The following MMP26 variants were observed in gnomAD, a reference collection of about 807,000 sequenced individuals.
MMP26 encodes matrix metallopeptidase 26, also known as matrix metalloproteinase-26.
A neutral mutation model predicts 31.0 loss-of-function variants in MMP26; 33 were observed. That is an observed-to-expected ratio of 1.06 (90% CI 0.81 to 1.42). The LOEUF is 1.42. Ranked by LOEUF, MMP26 falls within the 40% of genes most tolerant of loss-of-function variation. The probability of loss-of-function intolerance (pLI) is 0.00; values close to 1 mark genes in which losing one functional copy is unlikely to be tolerated. For synonymous variants in MMP26, 122 were observed against 114.9 expected, an observed-to-expected ratio of 1.06 and a Z score of -0.40; for missense variants, 347 against 316.1, an observed-to-expected ratio of 1.10 and a Z score of -0.74.
intron 2 of MMP26, among the ~76,000 whole-genome samples, chr11:4,941,406 A>G (rs1846203989): frequency 6.6e-6 from 1 of 152,192 alleles, no homozygotes; most frequent in South Asian, 2.1e-4. Flanking sequence ...TTCACCAGAA[A>G]TCTTTGTAAG....
intron 2 of MMP26, among the ~76,000 whole-genome samples, chr11:4,964,441 T>A (rs1225797182): frequency 6.6e-6 from 1 of 152,204 alleles, no homozygotes; most frequent in Non-Finnish European, 1.5e-5. Context: ...GTCTTATTTC[T>A]GGACTGTCTA....
Position 4,992,317 on chromosome 11 carries a change from A to G in MMP26, c.*75A>G, listed in dbSNP as rs1589826909. The stretch of plus-strand genomic sequence containing the variant: ...AGGATCAAAGAACTGAAAGCACTAG[A>G]GCAGCCTTGGGGACTGCTAGGATGA... On this transcript the variant is annotated 3_prime_UTR_variant, in exon 8 of 8. Coordinates refer to ENST00000380390, the MANE Select transcript of MMP26 (RefSeq NM_021801.5). 3.4e-6 allele frequency: 5 copies of G among 1,475,040 alleles called. No individual in the cohort carries two copies. Among genetic ancestry groups the G allele is most frequent in the South Asian group, 2.4e-5 (2 of 82,410 alleles). The allele number at this position is 1,475,040 out of a possible 1,614,324, so 91.4% of individuals were successfully genotyped here.
At chr11:4,783,501 C>T (rs140496008) in intron 2 of MMP26, among the ~76,000 whole-genome samples, 2,282 of 152,236 alleles carry the variant, frequency 0.015, 59 homozygotes, top group African/African-American at 0.051. Context: ...AGGGACTTGC[C>T]TTGTCTTGGA....
chr11:4,857,438 T>C (rs1850071333), intron 2 of MMP26, among the ~76,000 whole-genome samples: 1 of 152,034 alleles, frequency 6.6e-6, no homozygotes, highest in African/African-American at 2.4e-5. Flanking sequence ...CAGAGAATAC[T>C]ATAAACACCT....
intron 2 of MMP26, among the ~76,000 whole-genome samples, chr11:4,958,713 G>A (rs1039566629): frequency 6.6e-5 from 10 of 152,004 alleles, no homozygotes; most frequent in African/African-American, 9.7e-5. Context: ...CTGTGTTTCT[G>A]AGGTGCTATT....
intron 2 of MMP26, among the ~76,000 whole-genome samples, chr11:4,813,009 G>T (rs1333817263): frequency 7.0e-6 from 1 of 142,404 alleles, no homozygotes; most frequent in Admixed American, 6.8e-5. Flanking sequence ...GTGTGTGTGT[G>T]TGTATGTATA....
chr11:4,916,393 C>A (rs1282534694), intron 2 of MMP26, among the ~76,000 whole-genome samples: 2 of 52,598 alleles, frequency 3.8e-5, no homozygotes, highest in African/African-American at 5.2e-5. Flanking sequence ...ACAAATAGAT[C>A]TTTTACTGGA....
intron 2 of MMP26, among the ~76,000 whole-genome samples, chr11:4,918,937 A>T (rs775791109): frequency 6.6e-6 from 1 of 152,256 alleles, no homozygotes; most frequent in Non-Finnish European, 1.5e-5. Context: ...GACTAGGGGT[A>T]GATGTTGACC....
At chr11:4,800,721 C>A (rs1467150489) in intron 2 of MMP26, among the ~76,000 whole-genome samples, 3 of 152,154 alleles carry the variant, frequency 2.0e-5, no homozygotes, top group Non-Finnish European at 4.4e-5. Context: ...TGCTCTCCTT[C>A]CCTTTTAAAT....
intron 2 of MMP26, among the ~76,000 whole-genome samples, chr11:4,810,022 C>A: frequency 6.6e-6 from 1 of 152,142 alleles, no homozygotes; most frequent in East Asian, 1.9e-4. Flanking sequence ...ACGTTTCCGA[C>A]CTTTAAGTAT....
At chr11:4,762,198 C>A (rs1848576668) in intron 1 of MMP26, among the ~76,000 whole-genome samples, 1 of 152,104 alleles carries the variant, frequency 6.6e-6, no homozygotes, top group African/African-American at 2.4e-5. Flanking sequence ...AATTTATTCA[C>A]CTCTCTTGAA....
chr11:4,798,559 C>T (rs1055785634), intron 2 of MMP26, among the ~76,000 whole-genome samples: 1 of 152,214 alleles, frequency 6.6e-6, no homozygotes, highest in African/African-American at 2.4e-5. Context: ...CTTATTGATG[C>T]CTGCACTCTG....
intron 1 of MMP26, among the ~76,000 whole-genome samples, chr11:4,743,708 C>G (rs572394783): frequency 6.6e-6 from 1 of 152,282 alleles, no homozygotes; most frequent in African/African-American, 2.4e-5. Context: ...AGGCATATGA[C>G]CCCAGATTTC....
intron 2 of MMP26, chr11:4,875,478 G>C (rs1263219608): frequency 6.6e-6 from 1 of 152,026 alleles, no homozygotes; most frequent in Non-Finnish European, 1.5e-5. Flanking sequence ...ATTCTTTTCT[G>C]CAATATTTTC....
chr11:4,988,097 A>T lies in MMP26; in HGVS notation c.-115A>T. On this transcript the variant is annotated 5_prime_UTR_variant, in exon 3 of 8. An upstream open reading frame in the 5' UTR gains an earlier in-frame stop. Coordinates refer to ENST00000380390, the MANE Select transcript of MMP26 (RefSeq NM_021801.5). The stretch of plus-strand genomic sequence containing the variant: ...GGATGATGACGCCACTCACAGATTC[A>T]AAGAAAGGGCAAACTGGCAGAGTGA... 2.1e-6 allele frequency: 2 copies of T among 938,066 alleles called. No individual in the cohort carries two copies. The highest frequency in any genetic ancestry group is 3.5e-6 in the Non-Finnish European group (2 of 570,916). 58.1% of individuals were successfully genotyped at this position (938,066 alleles called of 1,614,324 possible). A position where few individuals can be genotyped will look rare whatever the true frequency, so the allele number is the denominator to read the frequency against.
chr11:4,988,696 G>A (rs764373429), intron 3 of MMP26, among the ~76,000 whole-genome samples: 2 of 152,092 alleles, frequency 1.3e-5, no homozygotes, highest in Non-Finnish European at 2.9e-5. Context: ...CACATTGACT[G>A]AGTAATCTCC....
chr11:4,847,097 A>G (rs1359846636), intron 2 of MMP26, among the ~76,000 whole-genome samples: 4 of 152,224 alleles, frequency 2.6e-5, no homozygotes, highest in Admixed American at 2.6e-4. Flanking sequence ...CTACCCCAGT[A>G]CAAGAAATCA....
intron 2 of MMP26, among the ~76,000 whole-genome samples, chr11:4,987,316 T>G (rs1042627020): frequency 6.6e-6 from 1 of 152,210 alleles, no homozygotes; most frequent in Admixed American, 6.5e-5. Flanking sequence ...CTTTGTTTTC[T>G]TCAACATATA....
At chr11:4,882,761 G>A in intron 2 of MMP26, 1 of 1,613,866 alleles carries the variant, frequency 6.2e-7, no homozygotes, top group Non-Finnish European at 8.5e-7. Context: ...CTTACCACCT[G>A]TGCTGAACCC....
Sources: allele counts gnomAD v4.1 joint callset (sites outside exome capture counted in the v4.1 genomes callset), GRCh38; gene constraint gnomAD v4.1.1; transcripts MANE v1.5; gene names NCBI Gene and HGNC (gene_info 2026-07-23, HGNC 2026-07-21).